The following HCN1 variants were observed in gnomAD, a reference collection of about 807,000 sequenced individuals.
HCN1 encodes the protein hyperpolarization activated cyclic nucleotide gated potassium channel 1.
HCN1 carries 13 observed loss-of-function variants against 78.9 expected under a neutral mutation model. The ratio of observed to expected loss-of-function variants is 0.16; its 90% CI spans 0.11 to 0.26. The LOEUF (loss-of-function observed/expected upper bound fraction) is 0.26, where lower values mean the gene tolerates loss of function less well. HCN1 is among the 10% of genes least tolerant of loss of function. The pLI, the probability that HCN1 is intolerant of heterozygous loss-of-function variation, is 1.00. For synonymous variants in HCN1, 552 were observed against 455.5 expected, an observed-to-expected ratio of 1.21 and a Z score of -2.70; for missense variants, 810 against 1,154.3, an observed-to-expected ratio of 0.70 and a Z score of 4.32.
intron 5 of HCN1, among the ~76,000 whole-genome samples, chr5:45,346,532 C>T (rs894516654): frequency 2.0e-5 from 3 of 152,128 alleles, no homozygotes; most frequent in Non-Finnish European, 4.4e-5. Flanking sequence ...AGGTGCAGTG[C>T]ACCATGAGCG....
chr5:45,534,321 C>G (rs6451807), intron 2 of HCN1, among the ~76,000 whole-genome samples: 74,682 of 145,662 alleles, frequency 0.51, 20,046 homozygotes, highest in African/African-American at 0.7. Flanking sequence ...ACTTGAATCA[C>G]GGAGGCAGAG....
At chr5:45,348,160 A>G (rs905003517) in intron 5 of HCN1, among the ~76,000 whole-genome samples, 4 of 152,206 alleles carry the variant, frequency 2.6e-5, no homozygotes, top group Admixed American at 6.5e-5. Flanking sequence ...GACTAACAGC[A>G]GATCTCTCAG....
At chr5:45,439,444 T>C (rs987369016) in intron 3 of HCN1, among the ~76,000 whole-genome samples, 1 of 152,200 alleles carries the variant, frequency 6.6e-6, no homozygotes, top group Non-Finnish European at 1.5e-5. Context: ...AGTTATTTAA[T>C]ATTTTCTAGT....
At chr5:45,296,928 C>T (rs1278038991) in intron 6 of HCN1, among the ~76,000 whole-genome samples, 1 of 151,808 alleles carries the variant, frequency 6.6e-6, no homozygotes, top group Non-Finnish European at 1.5e-5. Context: ...ACTTTATATC[C>T]ACAAGGAAAT....
chr5:45,548,081 T>C (rs1743266392), intron 2 of HCN1, among the ~76,000 whole-genome samples: 1 of 151,914 alleles, frequency 6.6e-6, no homozygotes, highest in Non-Finnish European at 1.5e-5. Flanking sequence ...TAGTAAAATA[T>C]CATAAGCCTC....
intron 5 of HCN1, among the ~76,000 whole-genome samples, chr5:45,352,577 T>C (rs1746931217): frequency 6.6e-6 from 1 of 151,912 alleles, no homozygotes; most frequent in Non-Finnish European, 1.5e-5. Flanking sequence ...GTTATTTTGG[T>C]CCAGGAGTGA....
intron 3 of HCN1, among the ~76,000 whole-genome samples, chr5:45,419,020 G>C (rs781655986): frequency 1.3e-5 from 2 of 152,116 alleles, no homozygotes; most frequent in Non-Finnish European, 2.9e-5. Flanking sequence ...CTTTGTGTTA[G>C]AAATCATCAA....
intron 2 of HCN1, among the ~76,000 whole-genome samples, chr5:45,577,371 T>C (rs1382263030): frequency 6.6e-6 from 1 of 152,102 alleles, no homozygotes; most frequent in Non-Finnish European, 1.5e-5. Context: ...GGTATGATTT[T>C]AATATGTCAA....
Position 45,696,137 on chromosome 5 carries a change from C to T in HCN1, c.-44G>A, listed in dbSNP as rs765479764. Reference sequence around the variant, plus strand: ...GCGACGGCGCGGGCTCCAGACTCGCCGGCCGCCCGGCGCCGGAGACACGTA... The same window carrying T: ...GCGACGGCGCGGGCTCCAGACTCGCTGGCCGCCCGGCGCCGGAGACACGTA... On this transcript the variant is annotated 5_prime_UTR_variant, in exon 1 of 8. Transcript: ENST00000303230. The T allele has an allele frequency of 1.0e-5, 13 of 1,246,584 alleles. No individual in the cohort carries two copies. In the African/African-American group the frequency reaches 1.4e-4, roughly 14 times the overall value. 77.2% of individuals were successfully genotyped at this position (1,246,584 alleles called of 1,614,324 possible). A position where few individuals can be genotyped will look rare whatever the true frequency, so the allele number is the denominator to read the frequency against.
intron 2 of HCN1, among the ~76,000 whole-genome samples, chr5:45,613,490 A>C (rs1744883321): frequency 1.3e-5 from 2 of 152,030 alleles, no homozygotes. Context: ...ATGTGGAGAA[A>C]TAGGAACACT....
intron 3 of HCN1, among the ~76,000 whole-genome samples, chr5:45,453,154 C>T (rs1171566626): frequency 1.3e-5 from 2 of 152,012 alleles, no homozygotes; most frequent in African/African-American, 4.8e-5. Context: ...CTATATAAGT[C>T]TCTTTTAAAC....
intron 2 of HCN1, among the ~76,000 whole-genome samples, chr5:45,492,296 ATG>A (rs375423075): frequency 0.066 from 9,319 of 140,688 alleles, 378 homozygotes; most frequent in Non-Finnish European, 0.097. Context: ...AACTCTGTGT[ATG>A]TGTGTGTGTG....
In HCN1 at chr5:45,258,254, T is replaced by C. The variant is rs1325030243; in HGVS notation, c.*3667A>G. On this transcript the variant is annotated 3_prime_UTR_variant, in exon 8 of 8. Coordinates refer to ENST00000303230, the MANE Select transcript of HCN1 (RefSeq NM_021072.4). Reference sequence around the variant, plus strand: ...AATTTGAAGTAGACATAATTCAGGATTTGAAATAAATCATCTAAAATTTTA... The same window carrying C: ...AATTTGAAGTAGACATAATTCAGGACTTGAAATAAATCATCTAAAATTTTA... 6.6e-6 allele frequency: 1 copy of C among 152,140 alleles called. No individual in the cohort carries two copies. Among genetic ancestry groups the C allele is most frequent in the Non-Finnish European group, 1.5e-5 (1 of 68,010 alleles). The allele number at this position is 152,140 out of a possible 1,614,324, so 9.4% of individuals were successfully genotyped here.
chr5:45,508,716 T>C (rs1020649555), intron 2 of HCN1, among the ~76,000 whole-genome samples: 1 of 152,080 alleles, frequency 6.6e-6, no homozygotes, highest in African/African-American at 2.4e-5. Context: ...ACCAATAATA[T>C]AAAGCTTCCT....
intron 5 of HCN1, among the ~76,000 whole-genome samples, chr5:45,311,691 C>A (rs1412015956): frequency 6.6e-6 from 1 of 152,124 alleles, no homozygotes; most frequent in Non-Finnish European, 1.5e-5. Flanking sequence ...TGAAGAAATG[C>A]CAAGAATGTG....
At position 45,547,023 on chromosome 5, in the gene HCN1, G is replaced by A. The variant is rs903486089; in HGVS notation, c.850-85016C>T. Reference sequence around the variant, plus strand: ...GAACTATTTCATTAACCTTTTAACCGGTCTCTATGATTCTCTACATTAGTA... The same window carrying A: ...GAACTATTTCATTAACCTTTTAACCAGTCTCTATGATTCTCTACATTAGTA... On this transcript the variant is annotated intron_variant, in intron 2 of 7. Coordinates refer to ENST00000303230, the MANE Select transcript of HCN1 (RefSeq NM_021072.4). 1.3e-4 allele frequency among the ~76,000 whole-genome samples: 20 copies of A among 151,718 alleles called. 1 individual carries two copies. The East Asian group carries it at 2.1e-3, about 16-fold the overall frequency.
chr5:45,446,118 G>A (rs1258329372), intron 3 of HCN1, among the ~76,000 whole-genome samples: 18 of 152,102 alleles, frequency 1.2e-4, no homozygotes, highest in Non-Finnish European at 1.9e-4. Context: ...CAAACCAAAG[G>A]CAAAGAAGTT....
intron 3 of HCN1, among the ~76,000 whole-genome samples, chr5:45,431,796 C>T (rs1341066599): frequency 6.6e-6 from 1 of 152,046 alleles, no homozygotes; most frequent in South Asian, 2.1e-4. Flanking sequence ...GGTCTATGTA[C>T]CTTTTTTTGT....
chr5:45,421,171 T>A (rs755926110), intron 3 of HCN1, among the ~76,000 whole-genome samples: 1 of 152,102 alleles, frequency 6.6e-6, no homozygotes, highest in Admixed American at 6.5e-5. Flanking sequence ...CACACCATTC[T>A]CCTGCCTCAG....
Sources: allele counts gnomAD v4.1 joint callset (sites outside exome capture counted in the v4.1 genomes callset), GRCh38; gene constraint gnomAD v4.1.1; transcripts MANE v1.5; gene names NCBI Gene and HGNC (gene_info 2026-07-23, HGNC 2026-07-21).